Variants in RPS6KA5 observed in about 807,000 individuals in gnomAD.
RPS6KA5 encodes the protein ribosomal protein S6 kinase alpha-5.
RPS6KA5 carries 27 observed loss-of-function variants against 85.5 expected under a neutral mutation model. That is an observed-to-expected ratio of 0.32 (90% CI 0.23 to 0.44). RPS6KA5 has a LOEUF of 0.44. Among genes scored for constraint, RPS6KA5 ranks in the 20% least tolerant of loss-of-function variants. The pLI is 1.00. For synonymous variants in RPS6KA5, 334 were observed against 348.2 expected, an observed-to-expected ratio of 0.96 and a Z score of 0.46; for missense variants, 811 against 980.9, an observed-to-expected ratio of 0.83 and a Z score of 2.31.
At chr14:90,917,011 G>A (rs1038610568) in intron 7 of RPS6KA5, among the ~76,000 whole-genome samples, 2 of 152,148 alleles carry the variant, frequency 1.3e-5, no homozygotes, top group Non-Finnish European at 2.9e-5. Flanking sequence ...TGTATATGTG[G>A]AATCAGAAAG....
intron 5 of RPS6KA5, among the ~76,000 whole-genome samples, chr14:90,937,284 G>T (rs992421342): frequency 5.3e-5 from 8 of 152,010 alleles, no homozygotes; most frequent in African/African-American, 1.2e-4. Flanking sequence ...GGGGTAGGGG[G>T]GCAAGGAGGT....
At chr14:90,883,465 A>C (rs1367985352) in intron 14 of RPS6KA5, among the ~76,000 whole-genome samples, 9 of 152,122 alleles carry the variant, frequency 5.9e-5, no homozygotes. Flanking sequence ...TCAGCTCCAG[A>C]ATTCCTTTTC....
In RPS6KA5 at chr14:90,935,024, C is replaced by T. The variant is rs4343206; in HGVS notation, c.618+8054G>A. On this transcript the variant is annotated intron_variant, in intron 5 of 16. Transcript: ENST00000614987. ...TGATTTTGGCAAATGACTGATAGAGCTTATTATCAGAGACCTAATAGATTT... is the reference window on the plus strand; with the variant it reads ...TGATTTTGGCAAATGACTGATAGAGTTTATTATCAGAGACCTAATAGATTT... Among the ~76,000 whole-genome samples, 1,143 of 152,122 alleles carry T rather than the reference C, an allele frequency of 7.5e-3. 60 individuals carry two copies. The highest frequency in any genetic ancestry group is 0.069 in the Admixed American group (1,055 of 15,290).
At chr14:90,952,828 G>A (rs1347431559) in intron 3 of RPS6KA5, among the ~76,000 whole-genome samples, 2 of 152,202 alleles carry the variant, frequency 1.3e-5, no homozygotes, top group Admixed American at 6.5e-5. Flanking sequence ...CTAAATTAAA[G>A]AAACAAATTT....
At chr14:91,018,765 T>G (rs1464647780) in intron 1 of RPS6KA5, among the ~76,000 whole-genome samples, 3 of 152,072 alleles carry the variant, frequency 2.0e-5, no homozygotes, top group Non-Finnish European at 2.9e-5. Context: ...TACTACTGGC[T>G]TCTTTCTTCC....
At chr14:90,926,174 G>A (rs1426043366) in intron 5 of RPS6KA5, among the ~76,000 whole-genome samples, 3 of 151,936 alleles carry the variant, frequency 2.0e-5, no homozygotes, top group Non-Finnish European at 2.9e-5. Flanking sequence ...GGAGGCTAAG[G>A]TGAGCGGATC....
Position 90,956,514 on chromosome 14 carries a change from T to C in RPS6KA5, c.395-8964A>G, listed in dbSNP as rs559333674. On this transcript the variant is annotated intron_variant, in intron 3 of 16. Coordinates refer to ENST00000614987, the MANE Select transcript of RPS6KA5 (RefSeq NM_004755.4). ...AAATGTTTAATCCATTCACATTTAT[T>C]GTTATTAACATAATATCTGCAATTT... Among the ~76,000 whole-genome samples, 3 of 152,322 alleles carry C rather than the reference T, an allele frequency of 2.0e-5. No individual in the cohort carries two copies. The South Asian group carries it at 6.2e-4, about 32-fold the overall frequency.
intron 2 of RPS6KA5, among the ~76,000 whole-genome samples, chr14:90,983,253 G>T (rs1454474450): frequency 6.6e-6 from 1 of 150,574 alleles, no homozygotes; most frequent in Non-Finnish European, 1.5e-5. Context: ...CTCCAGCCTG[G>T]GGGACAGAGC....
chr14:90,879,677 A>AC (rs1261760508), intron 14 of RPS6KA5, among the ~76,000 whole-genome samples: 2 of 151,830 alleles, frequency 1.3e-5, no homozygotes, highest in East Asian at 1.9e-4. Context: ...TCAGTCCTGC[A>AC]CCCTTGGGAT....
At chr14:90,994,561 ATTTTTTTTTT>A (rs935828871) in intron 2 of RPS6KA5, among the ~76,000 whole-genome samples, 328 of 61,934 alleles carry the variant, frequency 5.3e-3, no homozygotes, top group South Asian at 9.7e-3. Flanking sequence ...GATGTTTGTG[ATTTTTTTTTT>A]TTTTTTTTTT....
intron 2 of RPS6KA5, among the ~76,000 whole-genome samples, chr14:90,990,126 G>A (rs992054705): frequency 3.3e-5 from 5 of 152,138 alleles, no homozygotes; most frequent in Admixed American, 2.6e-4. Flanking sequence ...ACACATAATT[G>A]TAGGCAAGTG....
intron 5 of RPS6KA5, among the ~76,000 whole-genome samples, chr14:90,937,155 G>C (rs2037303718): frequency 6.6e-6 from 1 of 152,076 alleles, no homozygotes; most frequent in Non-Finnish European, 1.5e-5. Flanking sequence ...GTGTCACAGA[G>C]CCAAGCTGAG....
At chr14:90,990,911 A>G (rs913364663) in intron 2 of RPS6KA5, among the ~76,000 whole-genome samples, 4 of 152,140 alleles carry the variant, frequency 2.6e-5, no homozygotes, top group African/African-American at 9.7e-5. Context: ...TGGTTGAAAA[A>G]CTACATATAG....
intron 14 of RPS6KA5, among the ~76,000 whole-genome samples, chr14:90,885,120 G>A (rs1398895669): frequency 3.3e-5 from 5 of 151,886 alleles, no homozygotes; most frequent in Admixed American, 6.6e-5. Flanking sequence ...GGGCATGGTG[G>A]TGTGTGCCTG....
At chr14:90,985,859 G>A (rs986342349) in intron 2 of RPS6KA5, among the ~76,000 whole-genome samples, 1 of 152,108 alleles carries the variant, frequency 6.6e-6, no homozygotes, top group Non-Finnish European at 1.5e-5. Context: ...TTCTTATTAT[G>A]TAAATTCATT....
intron 3 of RPS6KA5, among the ~76,000 whole-genome samples, chr14:90,959,871 G>A (rs1256131852): frequency 1.3e-5 from 2 of 152,172 alleles, no homozygotes; most frequent in Non-Finnish European, 2.9e-5. Context: ...CTTAAAGACA[G>A]CATTATAAAT....
chr14:91,015,275 G>T (rs1404917338), intron 1 of RPS6KA5, among the ~76,000 whole-genome samples: 1 of 151,984 alleles, frequency 6.6e-6, no homozygotes, highest in Non-Finnish European at 1.5e-5. Flanking sequence ...TCTACACTCA[G>T]CACAGCATTC....
chr14:90,894,110 T>C (rs971970540), intron 13 of RPS6KA5: 6 of 1,012,492 alleles, frequency 5.9e-6, no homozygotes, highest in Non-Finnish European at 7.1e-6. Context: ...TTTTCTGCTA[T>C]AAAAATTTCC....
chr14:91,029,132 C>A (rs887017952), intron 1 of RPS6KA5, among the ~76,000 whole-genome samples: 2 of 152,106 alleles, frequency 1.3e-5, no homozygotes, highest in Non-Finnish European at 2.9e-5. Flanking sequence ...ATAAAGACAA[C>A]GAACCACAGA....
Sources: gnomAD v4.1 joint callset for allele counts (sites outside exome capture counted in the v4.1 genomes callset) on GRCh38, gnomAD v4.1.1 for gene constraint, MANE v1.5 for transcripts, NCBI Gene and HGNC (gene_info 2026-07-23, HGNC 2026-07-21) for gene names.